RPS6KA5: variants seen among roughly 807,000 people sequenced by gnomAD.
RPS6KA5 encodes ribosomal protein S6 kinase A5, also known as ribosomal protein S6 kinase alpha-5.
In RPS6KA5, 27 loss-of-function variants were observed where a neutral mutation model predicts 85.5. The ratio of observed to expected loss-of-function variants is 0.32; its 90% confidence interval spans 0.23 to 0.44. The LOEUF (loss-of-function observed/expected upper bound fraction) is 0.44, where lower values mean the gene tolerates loss of function less well. RPS6KA5 is among the 20% of genes least tolerant of loss of function. RPS6KA5 has a pLI of 1.00. For missense variants in RPS6KA5, 811 were observed against 980.9 expected, an observed-to-expected ratio of 0.83 and a Z score of 2.31; for synonymous variants, 334 against 348.2, an observed-to-expected ratio of 0.96 and a Z score of 0.46.
At position 90,877,064 on chromosome 14, in the gene RPS6KA5, G is replaced by A. The variant is rs77098978; in HGVS notation, c.1837-1704C>T. 4.0e-3 allele frequency among the ~76,000 whole-genome samples: 613 copies of A among 152,278 alleles called. 4 individuals are homozygous for A. Among genetic ancestry groups the A allele is most frequent in the African/African-American group, 0.013 (527 of 41,544 alleles). On this transcript the variant is annotated intron_variant, in intron 14 of 16. Transcript: ENST00000614987. ...ACAAAACATGAGTAAGAAGGATGGA[G>A]AAGACAGGAATAAGACCCAGATGCA...
intron 5 of RPS6KA5, among the ~76,000 whole-genome samples, chr14:90,927,473 A>G (rs556320719): frequency 3.3e-5 from 5 of 152,286 alleles, no homozygotes; most frequent in African/African-American, 1.2e-4. Context: ...CACCTAAAAC[A>G]TAATGACAAA....
intron 5 of RPS6KA5, among the ~76,000 whole-genome samples, chr14:90,929,134 T>C (rs2036833647): frequency 6.6e-6 from 1 of 152,066 alleles, no homozygotes; most frequent in African/African-American, 2.4e-5. Context: ...ACTAAAAATA[T>C]AATTTATCTA....
intron 5 of RPS6KA5, among the ~76,000 whole-genome samples, chr14:90,932,840 G>A (rs931313274): frequency 3.5e-4 from 53 of 152,110 alleles, no homozygotes; most frequent in Admixed American, 8.5e-4. Context: ...ATAGATATCT[G>A]GGTTTGGGTG....
At chr14:90,899,899 G>C (rs2035065182) in intron 11 of RPS6KA5, among the ~76,000 whole-genome samples, 1 of 152,124 alleles carries the variant, frequency 6.6e-6, no homozygotes, top group Non-Finnish European at 1.5e-5. Context: ...AAGCAAATAA[G>C]ACTATGATTT....
intron 3 of RPS6KA5, among the ~76,000 whole-genome samples, chr14:90,969,296 C>T (rs1173463485): frequency 2.6e-5 from 4 of 152,168 alleles, no homozygotes; most frequent in Admixed American, 2.0e-4. Flanking sequence ...AAAATTCTGA[C>T]TTTCTAAGTA....
chr14:90,934,171 GCAAGATCTCAA>G, intron 5 of RPS6KA5, among the ~76,000 whole-genome samples: 1 of 152,258 alleles, frequency 6.6e-6, no homozygotes, highest in South Asian at 2.1e-4. Context: ...CTCATTCATT[GCAAGATCTCAA>G]CACTGAGATA....
chr14:91,020,997 C>A (rs1297503220), intron 1 of RPS6KA5, among the ~76,000 whole-genome samples: 5 of 152,174 alleles, frequency 3.3e-5, no homozygotes, highest in Admixed American at 3.3e-4. Flanking sequence ...GTCTGTCCCT[C>A]ATTAATGACA....
At chr14:90,981,797 A>AG (rs2039800299) in intron 2 of RPS6KA5, among the ~76,000 whole-genome samples, 1 of 152,270 alleles carries the variant, frequency 6.6e-6, no homozygotes, top group African/African-American at 2.4e-5. Flanking sequence ...ACATTCAAGG[A>AG]GTGCCTTACG....
intron 14 of RPS6KA5, among the ~76,000 whole-genome samples, chr14:90,876,237 T>G (rs769359533): frequency 1.2e-4 from 19 of 152,064 alleles, no homozygotes; most frequent in Non-Finnish European, 1.2e-4. Flanking sequence ...TAACAGAAAA[T>G]AGAGAGATAG....
intron 8 of RPS6KA5, among the ~76,000 whole-genome samples, chr14:90,903,478 T>C (rs1344401957): frequency 6.6e-6 from 1 of 152,262 alleles, no homozygotes; most frequent in Non-Finnish European, 1.5e-5. Flanking sequence ...AAATCCACTG[T>C]AAATCAGGCA....
chr14:91,034,171 G>A (rs1407674880), intron 1 of RPS6KA5, among the ~76,000 whole-genome samples: 2 of 151,998 alleles, frequency 1.3e-5, no homozygotes, highest in African/African-American at 2.4e-5. Flanking sequence ...TGGGCATGGT[G>A]ATATACACCT....
chr14:91,017,003 C>A (rs1248212108), intron 1 of RPS6KA5, among the ~76,000 whole-genome samples: 1 of 152,134 alleles, frequency 6.6e-6, no homozygotes, highest in African/African-American at 2.4e-5. Flanking sequence ...CAGTCTCTTT[C>A]CCACCTGTCA....
rs1044180324 is a variant in RPS6KA5 at position 90,851,232 on chromosome 14, G to A, written c.*20842C>T. On this transcript the variant is annotated 3_prime_UTR_variant, in exon 17 of 17. Transcript: ENST00000614987. ...TTTTTGTACTTTTAGTAGAGACGGG[G>A]TTTCACCGTGTTAGCCAGGATGGTC... The A allele has an allele frequency of 6.6e-6, 1 of 152,156 alleles. No homozygotes were observed. The highest frequency in any genetic ancestry group is 1.5e-5 in the Non-Finnish European group (1 of 68,094). The allele number at this position is 152,156 out of a possible 1,614,324, so 9.4% of individuals were successfully genotyped here.
In RPS6KA5 at chr14:90,872,125, G is replaced by A. The variant is rs149061350; in HGVS notation, c.2358C>T (p.Ala786=). Residue 786 remains alanine, a synonymous_variant, in exon 17 of 17, where the codon GCC becomes GCT. Coordinates refer to ENST00000614987, the MANE Select transcript of RPS6KA5 (RefSeq NM_004755.4). ...PTKTLQPSNP[A]DSNNPETLFQ... ...AGAGGGTCTCCGGGTTATTGCTGTC[G>A]GCAGGATTGCTGGGCTGCAGTGTCT... 56 of 1,613,778 alleles carry A rather than the reference G, an allele frequency of 3.5e-5. No homozygotes were observed. Among genetic ancestry groups the A allele is most frequent in the African/African-American group, 2.7e-4 (20 of 74,954 alleles).
chr14:90,875,436 G>A (rs954606303), intron 14 of RPS6KA5, 76 bp from the exon 15 acceptor site: 18 of 1,306,908 alleles, frequency 1.4e-5, no homozygotes, highest in Non-Finnish European at 1.8e-5. Context: ...TAATAGTAAC[G>A]TAACTGGTGT....
In RPS6KA5 at chr14:91,051,243, A is replaced by AAAATAAAT. The variant is rs59888963; in HGVS notation, c.103+9081_103+9088dup. On this transcript the variant is annotated intron_variant, in intron 1 of 16. Transcript: ENST00000614987. ...GACAGAGTGGGACCCTGTCTAAATA[A>AAAATAAAT]AAATAAATAAATAAATAAATAAATA... Among the ~76,000 whole-genome samples, 241 of 144,404 alleles carry AAAATAAAT rather than the reference A, an allele frequency of 1.7e-3. 2 individuals carry two copies. Among genetic ancestry groups the AAAATAAAT allele is most frequent in the Admixed American group, 4.0e-3 (57 of 14,356 alleles). 94.7% of individuals were successfully genotyped at this position (144,404 alleles called of 152,430 possible).
chr14:91,001,018 T>G (rs1288742563), intron 2 of RPS6KA5, 70 bp downstream of exon 2: 3 of 845,782 alleles, frequency 3.5e-6, no homozygotes, highest in African/African-American at 1.7e-5. Flanking sequence ...GTATTGGGGA[T>G]ATCAATCCTT....
In RPS6KA5 at chr14:90,867,972, G is replaced by A. The variant is rs2070847329; in HGVS notation, c.*4102C>T. ...GGGCTCAGAAGAAATATCTTGAAAA[G>A]TAAGCAATATAGAAGGTGAGGACAG... On this transcript the variant is annotated 3_prime_UTR_variant, in exon 17 of 17. Transcript: ENST00000614987. 1 of 152,166 alleles carries A rather than the reference G, an allele frequency of 6.6e-6. No individual in the cohort carries two copies. The allele number at this position is 152,166 out of a possible 1,614,324, so 9.4% of individuals were successfully genotyped here.
chr14:90,939,676 C>T (rs529402831), intron 5 of RPS6KA5, among the ~76,000 whole-genome samples: 9 of 152,222 alleles, frequency 5.9e-5, no homozygotes, highest in South Asian at 2.1e-4. Flanking sequence ...CATTAGGTCT[C>T]GTGAGACTTA....
Sources: gnomAD v4.1 joint callset for allele counts (sites outside exome capture counted in the v4.1 genomes callset) on GRCh38, gnomAD v4.1.1 for gene constraint, MANE v1.5 for transcripts, NCBI Gene and HGNC (gene_info 2026-07-23, HGNC 2026-07-21) for gene names.